Variants in SMTN observed in about 807,000 individuals in gnomAD.
SMTN encodes the protein smoothelin.
In SMTN, 58 loss-of-function variants were observed where a neutral mutation model predicts 102.0. The ratio of observed to expected loss-of-function variants is 0.57; its 90% CI spans 0.46 to 0.71. SMTN has a LOEUF of 0.71. Ranked by LOEUF, SMTN falls within the 30% of genes least tolerant of loss-of-function variation. The pLI, the probability that SMTN is intolerant of heterozygous loss-of-function variation, is 0.00. For missense variants in SMTN, 1,185 were observed against 1,241.7 expected (o/e 0.95, Z 0.69); for synonymous variants, 478 against 497.9 (o/e 0.96, Z 0.53).
intron 17 of SMTN, 22 bp from the exon 18 acceptor site, chr22:31,099,040 G>T (rs756576845): frequency 1.2e-6 from 2 of 1,603,688 alleles, no homozygotes; most frequent in East Asian, 2.2e-5. Flanking sequence ...CGTGTGACCT[G>T]GTCCTGACAC....
At chr22:31,090,937 T>C in intron 9 of SMTN, 24 bp from the exon 10 acceptor site, 1 of 1,612,578 alleles carries the variant, frequency 6.2e-7, no homozygotes, top group East Asian at 2.2e-5. Flanking sequence ...ACCCAGTTGC[T>C]GACAGCCCTC....
chr22:31,094,481 C>A (rs1468488810), intron 11 of SMTN, among the ~76,000 whole-genome samples: 3 of 152,156 alleles, frequency 2.0e-5, no homozygotes, highest in Non-Finnish European at 4.4e-5. Flanking sequence ...CCAGGAGGAC[C>A]TAGGCCTCGG....
In SMTN at chr22:31,088,122, C is replaced by A; in HGVS notation, c.200+9C>A. On this transcript the variant is annotated intron_variant, in intron 3 of 20. Transcript: ENST00000333137. ...AAGGAGAACTGGCTGCAGTGAGTAG[C>A]GGGGGGTGGAACATGCGGGTGAGAA... 6 of 1,586,738 alleles carry A rather than the reference C, an allele frequency of 3.8e-6. No individual in the cohort carries two copies. The highest frequency in any genetic ancestry group is 5.2e-6 in the Non-Finnish European group (6 of 1,162,050).
At chr22:31,083,469 A>ACAT in intron 2 of SMTN, 160 bp downstream of exon 2, 1 of 874,190 alleles carries the variant, frequency 1.1e-6, no homozygotes, top group Non-Finnish European at 1.7e-6. Context: ...TGGCTGATGC[A>ACAT]GAGGCCCTTG....
At chr22:31,072,909 G>A (rs1222674691) in intron 1 of SMTN, among the ~76,000 whole-genome samples, 1 of 152,026 alleles carries the variant, frequency 6.6e-6, no homozygotes, top group African/African-American at 2.4e-5. Flanking sequence ...CAGGCGTGCG[G>A]CACCAGGACC....
chr22:31,069,912 A>C (rs1175143088), intron 1 of SMTN, among the ~76,000 whole-genome samples: 1 of 152,162 alleles, frequency 6.6e-6, no homozygotes, highest in Non-Finnish European at 1.5e-5. Flanking sequence ...ACATTAGATT[A>C]ACTAAATCCA....
rs1197039843 is a variant in SMTN, at chr22:31,074,758, T to C, written c.-385-5692T>C. 2.0e-5 allele frequency among the ~76,000 whole-genome samples: 3 copies of C among 151,520 alleles called. No homozygotes were observed. The East Asian group carries it at 5.9e-4, about 30-fold the overall frequency. On this transcript the variant is annotated intron_variant, in intron 1 of 3. Coordinates refer to the SMTN transcript ENST00000422839. ...GTTGCAGTGAGCTGAGATTGTGCCA[T>C]TGCACTCCAGCCTGGGTGACAAGAG... is the stretch of plus-strand genomic sequence containing the variant.
At position 31,088,878 on chromosome 22, in the gene SMTN, C is replaced by T; in HGVS notation, c.380C>T (p.Thr127Ile). Reference protein sequence around the residue: ...RVRAQEIEAATLAGRLYSGRP... With the variant: ...RVRAQEIEAAILAGRLYSGRP... ...CTTGCTCCTTCCCTTCCAGCTGCCA[C>T]CTTGGCTGGGAGGTTGTACAGCGGG... is the stretch of plus-strand genomic sequence containing the variant. Residue 127 changes from threonine (T) to isoleucine (I), a missense_variant, in exon 6 of 21, where the codon ACC (threonine) becomes ATC (isoleucine). By Grantham distance (89) the Thr-to-Ile change is moderately conservative (BLOSUM62 -1). This residue lies in a region of SMTN where 1,096 missense variants were observed against 1,112.7 expected (regional missense o/e 0.98). Transcript: ENST00000333137. 1.9e-6 allele frequency: 3 copies of T among 1,613,978 alleles called. No homozygotes were observed. The highest frequency in any genetic ancestry group is 2.2e-5 in the East Asian group (1 of 44,882).
chr22:31,087,786 TG>T, intron 2 of SMTN, 178 bp from the exon 3 acceptor site: 1 of 574,826 alleles, frequency 1.7e-6, no homozygotes, highest in Non-Finnish European at 2.9e-6. Flanking sequence ...CCAAGATCCC[TG>T]AAACAGTGGG....
chr22:31,092,467 A>G (rs2043209344), intron 11 of SMTN: 1 of 471,230 alleles, frequency 2.1e-6, no homozygotes, highest in East Asian at 6.9e-5. Context: ...TCCCAAGCCC[A>G]GGATCCACTA....
intron 2 of SMTN, among the ~76,000 whole-genome samples, chr22:31,084,230 G>A (rs1241687349): frequency 6.6e-6 from 1 of 152,238 alleles, no homozygotes; most frequent in Admixed American, 6.5e-5. Context: ...ACCTGGAGGA[G>A]GGGCCAGAGG....
chr22:31,093,239 A>C (rs2043271376), intron 11 of SMTN: 3 of 253,166 alleles, frequency 1.2e-5, no homozygotes, highest in South Asian at 4.3e-5. Flanking sequence ...CCCCTCCCCC[A>C]CTGCCCCTTC....
Position 31,099,052 on chromosome 22 carries a change from GC to G in SMTN, c.2334-6del. On this transcript the variant is annotated splice_polypyrimidine_tract_variant and intron_variant, in intron 17 of 20. Coordinates refer to ENST00000333137, the MANE Select transcript of SMTN (RefSeq NM_134269.3). ...AGTCGTGTGACCTGGTCCTGACACC[GC>G]CCCTACAGCAGCCCTGGCGGACCCC... The G allele has an allele frequency of 6.2e-7, 1 of 1,609,014 alleles. No homozygotes were observed. The highest frequency in any genetic ancestry group is 8.5e-7 in the Non-Finnish European group (1 of 1,178,972).
At chr22:31,093,641 T>A in intron 11 of SMTN, 1 of 776,558 alleles carries the variant, frequency 1.3e-6, no homozygotes. Context: ...AGAGCAGCAC[T>A]GAGCCGGCGG....
chr22:31,099,888 A>G lies in SMTN; in HGVS notation c.2595A>G (p.Ser865=). ...GCCAGAACTTCGAGGTGGCCTTCTC[A>G]TCTGCGGAGTAAGTGTGGGCCCTGG... ...NRRQNFEVAF[S]SAETHADCPQ... is the part of the protein sequence containing the mutation. The change falls in exon 19 of 21, where the codon TCA becomes TCG. Residue 865 remains serine (S), a synonymous_variant. Transcript: ENST00000333137. The G allele has an allele frequency of 6.2e-7, 1 of 1,613,884 alleles. No homozygotes were observed. The highest frequency in any genetic ancestry group is 8.5e-7 in the Non-Finnish European group (1 of 1,179,838).
At position 31,099,194 on chromosome 22, in the gene SMTN, G is replaced by C; in HGVS notation, c.2451+15G>C. On this transcript the variant is annotated intron_variant, in intron 18 of 20. Transcript: ENST00000333137. ...GCGGCTACGAGGTGAGCCCCGGGAG[G>C]CCAGGGGGCCTGGAGGCCTCCCCAG... The C allele has an allele frequency of 6.3e-7, 1 of 1,586,886 alleles. No individual in the cohort carries two copies. The highest frequency in any genetic ancestry group is 8.6e-7 in the Non-Finnish European group (1 of 1,158,216).
At chr22:31,103,769 G>A (rs73156787) in intron 20 of SMTN, 11,771 of 154,648 alleles carry the variant, frequency 0.076, 606 homozygotes, top group Admixed American at 0.13. Context: ...CAGCAGCAGG[G>A]TTATCCCCAC....
Position 31,101,032 on chromosome 22 carries a change from C to CCTGCT in SMTN, c.*5_*9dup, listed in dbSNP as rs2044045581. On this transcript the variant is annotated 3_prime_UTR_variant, in exon 20 of 21. Coordinates refer to ENST00000333137, the MANE Select transcript of SMTN (RefSeq NM_134269.3). Reference sequence around the variant, plus strand: ...TGGTAAAAACCAAAAAGTCCTAACCCCTGCTCGGGGCCCCACGGTGAGAAA... The same window carrying CCTGCT: ...TGGTAAAAACCAAAAAGTCCTAACCCCTGCTCTGCTCGGGGCCCCACGGTGAGAAA... 7 of 1,606,268 alleles carry CCTGCT rather than the reference C, an allele frequency of 4.4e-6. No individual in the cohort carries two copies. Among genetic ancestry groups the CCTGCT allele is most frequent in the Admixed American group, 3.3e-5 (2 of 59,716 alleles).
Position 31,089,792 on chromosome 22 carries a change from C to T in SMTN, c.565C>T (p.Leu189Phe). 6.2e-7 allele frequency: 1 copy of T among 1,613,440 alleles called. No homozygotes were observed. ...GTSQDVTTVT[L>F]LLRAPPGSTS... is the part of the protein sequence containing the mutation. ...CAGCCAGGATGTGACCACAGTGACA[C>T]TCCTGCTGCGAGCCCCACCTGGGAG... is the stretch of plus-strand genomic sequence containing the variant. The change falls in exon 7 of 21, where the codon CTC becomes TTC. Residue 189 changes from leucine (L) to phenylalanine (F), a missense_variant. Transcript: ENST00000333137.
Sources: allele counts gnomAD v4.1 joint callset (sites outside exome capture counted in the v4.1 genomes callset), GRCh38; gene constraint gnomAD v4.1.1; regional missense constraint gnomAD v4.1.1; transcripts MANE v1.5; gene names NCBI Gene and HGNC (gene_info 2026-07-23, HGNC 2026-07-21).